The following MEIKIN variants were observed in gnomAD, a reference collection of about 807,000 sequenced individuals.
The protein encoded by MEIKIN is meiosis-specific kinetochore protein.
intron 12 of MEIKIN, 82 bp from the exon 13 acceptor site, chr5:131,807,340 A>G (rs1486374791): frequency 1.5e-5 from 6 of 396,924 alleles, no homozygotes; most frequent in Non-Finnish European, 2.7e-5. Flanking sequence ...TGCAGGGGAG[A>G]GAGCACTTAA....
intron 8 of MEIKIN, among the ~76,000 whole-genome samples, chr5:131,893,440 A>G (rs1026407638): frequency 4.6e-5 from 7 of 152,168 alleles, no homozygotes; most frequent in African/African-American, 1.7e-4. Flanking sequence ...CCCGTTGGAA[A>G]AGCGCAGTAT....
chr5:131,836,238 T>C (rs1289787135), intron 11 of MEIKIN, among the ~76,000 whole-genome samples: 2 of 152,194 alleles, frequency 1.3e-5, no homozygotes, highest in Non-Finnish European at 2.9e-5. Context: ...ATTCTTTTTT[T>C]ATGGCTGCAT....
chr5:131,864,641 T>A (rs902902931), intron 9 of MEIKIN, among the ~76,000 whole-genome samples: 9 of 152,332 alleles, frequency 5.9e-5, no homozygotes, highest in African/African-American at 1.9e-4. Context: ...CTCCTGCTGC[T>A]TTTAGAATTC....
At chr5:131,898,845 G>C (rs1465275214) in intron 8 of MEIKIN, among the ~76,000 whole-genome samples, 1 of 152,194 alleles carries the variant, frequency 6.6e-6, no homozygotes, top group Non-Finnish European at 1.5e-5. Context: ...GCTTCCCTTG[G>C]CTAGGAAAGG....
At chr5:131,883,865 T>G (rs1750735177) in intron 8 of MEIKIN, among the ~76,000 whole-genome samples, 1 of 151,612 alleles carries the variant, frequency 6.6e-6, no homozygotes, top group Admixed American at 6.6e-5. Flanking sequence ...GGAAGGAGAG[T>G]AAAGGGATTG....
chr5:131,859,897 T>C (rs1052823302), intron 9 of MEIKIN, among the ~76,000 whole-genome samples: 26 of 152,172 alleles, frequency 1.7e-4, no homozygotes, highest in African/African-American at 6.0e-4. Context: ...TCTCTATTCT[T>C]TTCCTTTGGT....
intron 11 of MEIKIN, among the ~76,000 whole-genome samples, chr5:131,827,919 A>G (rs1305617500): frequency 6.6e-6 from 1 of 151,998 alleles, no homozygotes; most frequent in African/African-American, 2.4e-5. Context: ...ATGGTGGTGC[A>G]TGACTGTGGT....
intron 9 of MEIKIN, among the ~76,000 whole-genome samples, chr5:131,863,557 C>CTTTTTTTTTTTTTT (rs59435888): frequency 5.0e-4 from 34 of 68,434 alleles, no homozygotes; most frequent in East Asian, 1.5e-3. Context: ...CTTCTTTGTC[C>CTTTTTTTTTTTTTT]TTTTTTTTTT....
intron 8 of MEIKIN, among the ~76,000 whole-genome samples, chr5:131,904,137 T>C (rs753176089): frequency 6.6e-6 from 1 of 152,168 alleles, no homozygotes; most frequent in Non-Finnish European, 1.5e-5. Context: ...TAAATATATA[T>C]GCACCTAACA....
intron 12 of MEIKIN, among the ~76,000 whole-genome samples, chr5:131,809,925 T>C (rs1772921315): frequency 1.3e-5 from 2 of 152,106 alleles, no homozygotes; most frequent in South Asian, 4.1e-4. Flanking sequence ...AATTATTGCA[T>C]AATGAGTGAT....
intron 9 of MEIKIN, among the ~76,000 whole-genome samples, chr5:131,871,133 G>T (rs995925064): frequency 1.3e-5 from 2 of 152,328 alleles, no homozygotes; most frequent in Middle Eastern, 3.4e-3. Flanking sequence ...ATCTCACTGG[G>T]GTGTGCCAGA....
At chr5:131,829,919 G>A (rs1357189543) in intron 11 of MEIKIN, among the ~76,000 whole-genome samples, 2 of 152,204 alleles carry the variant, frequency 1.3e-5, no homozygotes, top group Admixed American at 1.3e-4. Flanking sequence ...CTCAGGAAAT[G>A]AGATAATAGA....
chr5:131,933,372 C>T (rs879134167), intron 5 of MEIKIN, 141 bp downstream of exon 5: 8 of 373,590 alleles, frequency 2.1e-5, no homozygotes, highest in South Asian at 1.5e-4. Context: ...TGAAACACAA[C>T]GGGTAATGGT....
intron 8 of MEIKIN, among the ~76,000 whole-genome samples, chr5:131,901,285 G>A (rs1017846353): frequency 6.6e-6 from 1 of 152,070 alleles, no homozygotes; most frequent in African/African-American, 2.4e-5. Flanking sequence ...TACCCTGAGC[G>A]GCCACTGCTG....
intron 9 of MEIKIN, among the ~76,000 whole-genome samples, chr5:131,872,470 C>A (rs1019669310): frequency 1.1e-4 from 17 of 152,286 alleles, no homozygotes; most frequent in African/African-American, 4.1e-4. Context: ...AAGAAATGAA[C>A]AAGGCTTCCA....
chr5:131,884,619 T>C (rs1412770974), intron 8 of MEIKIN, among the ~76,000 whole-genome samples: 1 of 151,822 alleles, frequency 6.6e-6, no homozygotes, highest in Non-Finnish European at 1.5e-5. Flanking sequence ...ATGGTGGTTA[T>C]GGGAAGAGAC....
rs184181055 is a variant in MEIKIN, at chr5:131,807,117, A to G, written c.*119T>C. 5.0e-6 allele frequency: 2 copies of G among 396,764 alleles called. No homozygotes were observed. The highest frequency in any genetic ancestry group is 8.9e-6 in the Non-Finnish European group (2 of 225,200). The allele number at this position is 396,764 out of a possible 1,614,324, so 24.6% of individuals were successfully genotyped here. A position where few individuals can be genotyped will look rare whatever the true frequency, so the allele number is the denominator to read the frequency against. On this transcript the variant is annotated 3_prime_UTR_variant, in exon 13 of 13. Transcript: ENST00000442687. ...ATTTCAACATAGAGATATATCACAA[A>G]TAACTGGAGAATTTTTAATTTTTAA...
intron 11 of MEIKIN, among the ~76,000 whole-genome samples, chr5:131,830,505 A>C (rs549144351): frequency 9.2e-5 from 14 of 152,390 alleles, no homozygotes; most frequent in African/African-American, 3.4e-4. Flanking sequence ...GAGATATAAC[A>C]GAAAATGAGT....
intron 8 of MEIKIN, among the ~76,000 whole-genome samples, chr5:131,906,242 C>T (rs1025440388): frequency 6.6e-6 from 1 of 152,100 alleles, no homozygotes; most frequent in Admixed American, 6.6e-5. Context: ...AGAAGACATA[C>T]ACACGACCGA....
Sources: allele counts gnomAD v4.1 joint callset (sites outside exome capture counted in the v4.1 genomes callset), GRCh38; gene constraint gnomAD v4.1.1; transcripts MANE v1.5; gene names NCBI Gene and HGNC (gene_info 2026-07-23, HGNC 2026-07-21).